Variants in CTNNA2 observed in about 807,000 individuals in gnomAD.
CTNNA2 encodes the protein catenin alpha-2.
A neutral mutation model predicts 101.0 loss-of-function variants in CTNNA2; 42 were observed. The ratio of observed to expected loss-of-function variants is 0.42; its 90% CI spans 0.32 to 0.54. The LOEUF is 0.54. Ranked by LOEUF, CTNNA2 falls within the 20% of genes least tolerant of loss-of-function variation. The pLI, the probability that CTNNA2 is intolerant of heterozygous loss-of-function variation, is 0.14. For missense variants in CTNNA2, 871 were observed against 1,223.1 expected, an observed-to-expected ratio of 0.71 and a Z score of 4.29; for synonymous variants, 450 against 456.4, an observed-to-expected ratio of 0.99 and a Z score of 0.18.
chr2:80,171,221 G>A (rs1705028904), intron 7 of CTNNA2, among the ~76,000 whole-genome samples: 1 of 152,166 alleles, frequency 6.6e-6, no homozygotes. Flanking sequence ...GTTCAGGCAC[G>A]ATCGTGCTTG....
chr2:79,954,935 A>G (rs1421445038), intron 7 of CTNNA2, among the ~76,000 whole-genome samples: 2 of 152,194 alleles, frequency 1.3e-5, no homozygotes, highest in Non-Finnish European at 2.9e-5. Context: ...GTACATACCA[A>G]CTTCAGAAGA....
intron 2 of CTNNA2, among the ~76,000 whole-genome samples, chr2:79,701,913 C>G (rs1440366974): frequency 2.1e-5 from 3 of 145,692 alleles, no homozygotes; most frequent in African/African-American, 7.7e-5. Context: ...AAGGCACGAG[C>G]ATTTCTTGAA....
At chr2:79,513,310 C>G (rs887038305) in intron 1 of CTNNA2, 103 bp downstream of exon 1, 1 of 149,754 alleles carries the variant, frequency 6.7e-6, no homozygotes, top group East Asian at 2.0e-4. Context: ...CCAACCCTCC[C>G]TCCCTCATCC....
At chr2:79,893,044 C>T (rs192059744) in intron 6 of CTNNA2, among the ~76,000 whole-genome samples, 35 of 152,220 alleles carry the variant, frequency 2.3e-4, no homozygotes, top group Admixed American at 5.2e-4. Flanking sequence ...ATTTCCATGA[C>T]GTGGCTGAGA....
chr2:79,242,271 T>C (rs902785344), intron 2 of CTNNA2, among the ~76,000 whole-genome samples: 4 of 152,182 alleles, frequency 2.6e-5, no homozygotes, highest in African/African-American at 9.6e-5. Flanking sequence ...TAAAAACATC[T>C]GATTGGTACT....
intron 7 of CTNNA2, among the ~76,000 whole-genome samples, chr2:79,970,675 A>G (rs1203321930): frequency 1.3e-5 from 2 of 152,142 alleles, no homozygotes. Flanking sequence ...TCTGTCGGGT[A>G]TTAGATACAA....
At chr2:80,222,237 G>C (rs1004486098) in intron 7 of CTNNA2, among the ~76,000 whole-genome samples, 5 of 152,052 alleles carry the variant, frequency 3.3e-5, no homozygotes, top group Non-Finnish European at 7.4e-5. Context: ...TTACTTTTCT[G>C]CCTCCAGAGT....
At chr2:80,557,971 G>C (rs371131497) in intron 12 of CTNNA2, among the ~76,000 whole-genome samples, 5 of 152,136 alleles carry the variant, frequency 3.3e-5, no homozygotes, top group African/African-American at 1.2e-4. Context: ...GAGCACTCTG[G>C]GGGCTTAACT....
At chr2:79,186,358 C>T (rs965875806) in intron 1 of CTNNA2, among the ~76,000 whole-genome samples, 1 of 152,098 alleles carries the variant, frequency 6.6e-6, no homozygotes, top group Non-Finnish European at 1.5e-5. Flanking sequence ...GAGGAGGTGA[C>T]AAGGATAAGA....
At chr2:80,245,973 T>G (rs1395824275) in intron 7 of CTNNA2, among the ~76,000 whole-genome samples, 1 of 151,912 alleles carries the variant, frequency 6.6e-6, no homozygotes, top group Non-Finnish European at 1.5e-5. Context: ...TTTTTGTATT[T>G]TTAGTAGAGA....
intron 7 of CTNNA2, among the ~76,000 whole-genome samples, chr2:80,136,719 C>A (rs1702717249): frequency 6.6e-6 from 1 of 152,076 alleles, no homozygotes; most frequent in African/African-American, 2.4e-5. Flanking sequence ...GATCTTTATA[C>A]CCTTCTTATT....
rs563754501 is a variant in CTNNA2 at position 79,285,961 on chromosome 2, A to T, written c.-405-26748A>T. Among the ~76,000 whole-genome samples the T allele has an allele frequency of 4.0e-5, 6 of 148,536 alleles. No individual in the cohort carries two copies. The East Asian group carries it at 1.2e-3, about 29-fold the overall frequency. ...TCCTGTATTGGGTGCATATATATTT[A>T]GGATAGTTAGCTCTTCTTGTTGAAT... On this transcript the variant is annotated intron_variant, in intron 2 of 21. Transcript: ENST00000466387.
At chr2:79,479,216 A>G (rs556413724) in intron 4 of CTNNA2, among the ~76,000 whole-genome samples, 1 of 152,304 alleles carries the variant, frequency 6.6e-6, no homozygotes, top group East Asian at 1.9e-4. Flanking sequence ...TTTGATGCTC[A>G]TTAATCCCTT....
intron 3 of CTNNA2, among the ~76,000 whole-genome samples, chr2:79,313,172 G>A (rs779927674): frequency 6.6e-6 from 1 of 152,176 alleles, no homozygotes; most frequent in South Asian, 2.1e-4. Flanking sequence ...TATAGTTGGA[G>A]TTGGGAACAG....
intron 7 of CTNNA2, among the ~76,000 whole-genome samples, chr2:80,360,816 A>G (rs184092332): frequency 1.4e-4 from 21 of 152,230 alleles, no homozygotes; most frequent in African/African-American, 4.8e-4. Flanking sequence ...TTCTCATGTC[A>G]TGGAGATCTA....
At chr2:79,245,027 G>A (rs552238612) in intron 2 of CTNNA2, among the ~76,000 whole-genome samples, 1 of 151,960 alleles carries the variant, frequency 6.6e-6, no homozygotes, top group Non-Finnish European at 1.5e-5. Flanking sequence ...CTCGGGAGGC[G>A]GAGTTTGCAG....
intron 3 of CTNNA2, among the ~76,000 whole-genome samples, chr2:79,360,684 C>A (rs185114830): frequency 2.0e-5 from 3 of 152,064 alleles, no homozygotes; most frequent in Admixed American, 1.3e-4. Flanking sequence ...AGGGAAAACA[C>A]AAAAAGTCAA....
At position 80,619,076 on chromosome 2, in the gene CTNNA2, G is replaced by A. The variant is rs748944427; in HGVS notation, c.2431-9G>A. The A allele has an allele frequency of 4.9e-6, 7 of 1,424,700 alleles. No individual in the cohort carries two copies. The highest frequency in any genetic ancestry group is 2.6e-5 in the Admixed American group (1 of 37,800). The allele number at this position is 1,424,700 out of a possible 1,614,324, so 88.3% of individuals were successfully genotyped here. On this transcript the variant is annotated splice_polypyrimidine_tract_variant and intron_variant, in intron 17 of 18. Coordinates refer to ENST00000402739, the MANE Select transcript of CTNNA2 (RefSeq NM_001282597.3). ...TCATTCTCTCTTTTCTGTATCTCTC[G>A]GAAATCAGACAGGAGTTCAGAGCAC... is the stretch of plus-strand genomic sequence containing the variant.
intron 3 of CTNNA2, among the ~76,000 whole-genome samples, chr2:79,854,155 A>C (rs1680950111): frequency 6.6e-6 from 1 of 152,200 alleles, no homozygotes; most frequent in Non-Finnish European, 1.5e-5. Flanking sequence ...ATCTTCAAAC[A>C]ATAAGTACTT....
Sources: gnomAD v4.1 joint callset for allele counts (sites outside exome capture counted in the v4.1 genomes callset) on GRCh38, gnomAD v4.1.1 for gene constraint, MANE v1.5 for transcripts, NCBI Gene and HGNC (gene_info 2026-07-23, HGNC 2026-07-21) for gene names.